The following IGDCC4 variants were observed in gnomAD, a reference collection of about 807,000 sequenced individuals.
The protein encoded by IGDCC4 is likely ortholog of mouse neighbor of Punc E11.
IGDCC4 carries 72 observed loss-of-function variants against 116.6 expected under a neutral mutation model. The observed-to-expected ratio is 0.62, with a 90% confidence interval of 0.51 to 0.75. The LOEUF is 0.75. Ranked by LOEUF, IGDCC4 falls within the 30% of genes least tolerant of loss-of-function variation. The probability of loss-of-function intolerance (pLI) is 0.00; values close to 1 mark genes in which losing one functional copy is unlikely to be tolerated. For synonymous variants in IGDCC4, 709 were observed against 719.9 expected, an observed-to-expected ratio of 0.98 and a Z score of 0.24; for missense variants, 1,501 against 1,662.4, an observed-to-expected ratio of 0.90 and a Z score of 1.69.
intron 1 of IGDCC4, among the ~76,000 whole-genome samples, chr15:65,418,721 C>G (rs1055793506): frequency 6.6e-6 from 1 of 152,160 alleles, no homozygotes; most frequent in Non-Finnish European, 1.5e-5. Flanking sequence ...CATGCTTACT[C>G]CTCCCCCTGC....
At chr15:65,394,689 T>C in intron 8 of IGDCC4, 141 bp from the exon 9 acceptor site, 1 of 846,628 alleles carries the variant, frequency 1.2e-6, no homozygotes, top group South Asian at 1.8e-5. Flanking sequence ...AGGGAGCTTC[T>C]CAGGGGAGCC....
At position 65,382,102 on chromosome 15, in the gene IGDCC4, A is replaced by G. The variant is rs1235699274; in HGVS notation, c.*1907T>C. ...AGTTTTTTTTTCTTCTTTAAAAAAA[A>G]AAAATCAAACCAGCAAAATAAAATG... is the stretch of plus-strand genomic sequence containing the variant. On this transcript the variant is annotated 3_prime_UTR_variant, in exon 20 of 20. Transcript: ENST00000352385. 2 of 152,520 alleles carry G rather than the reference A, an allele frequency of 1.3e-5. No individual in the cohort carries two copies. Among genetic ancestry groups the G allele is most frequent in the Admixed American group, 6.5e-5 (1 of 15,270 alleles). The allele number at this position is 152,520 out of a possible 1,614,324, so 9.4% of individuals were successfully genotyped here. A position where few individuals can be genotyped will look rare whatever the true frequency, so the allele number is the denominator to read the frequency against.
intron 3 of IGDCC4, among the ~76,000 whole-genome samples, chr15:65,405,131 G>GC (rs1567089620): frequency 2.5e-5 from 2 of 81,260 alleles, no homozygotes; most frequent in Non-Finnish European, 4.8e-5. Context: ...TTAGTTAGTG[G>GC]GGGGGGGGGA....
chr15:65,398,548 A>G (rs1441948692), intron 5 of IGDCC4, among the ~76,000 whole-genome samples: 2 of 150,554 alleles, frequency 1.3e-5, no homozygotes, highest in African/African-American at 2.4e-5. Context: ...AAAAAAAAAA[A>G]AAAAAAAAGA....
rs2063076683 is a variant in IGDCC4, at chr15:65,410,189, A to T, written c.552T>A (p.Pro184=). The change falls in exon 3 of 20, where the codon CCT becomes CCA. Residue 184 remains proline, a synonymous_variant. Coordinates refer to ENST00000352385, the MANE Select transcript of IGDCC4 (RefSeq NM_020962.3). The part of the protein sequence containing the change: ...ITWEKDQVTL[P]EEPRLIVLPN... The stretch of plus-strand genomic sequence containing the variant: ...TACAGGGCACTCACCGAGGCTCCTC[A>T]GGCAATGTCACCTGGTCCTTCTCCC... The T allele has an allele frequency of 6.2e-7, 1 of 1,613,020 alleles. No homozygotes were observed. Among genetic ancestry groups the T allele is most frequent in the African/African-American group, 1.3e-5 (1 of 74,884 alleles).
Position 65,393,082 on chromosome 15 carries a change from A to G in IGDCC4, c.1885+279T>C, listed in dbSNP as rs953907905. On this transcript the variant is annotated intron_variant, in intron 10 of 19. Transcript: ENST00000352385. The surrounding 1 kb of genome is among the most constrained non-coding windows in gnomAD (Gnocchi z 4.6). ...ACAATTCAATGAGTTTTTATGTACT[A>G]AGCACTTTAGTTACAATACATTATT... 2.0e-5 allele frequency among the ~76,000 whole-genome samples: 3 copies of G among 152,166 alleles called. No individual in the cohort carries two copies. The highest frequency in any genetic ancestry group is 1.3e-4 in the Admixed American group (2 of 15,276).
intron 5 of IGDCC4, among the ~76,000 whole-genome samples, chr15:65,397,632 C>T (rs2062940566): frequency 6.7e-6 from 1 of 149,770 alleles, no homozygotes; most frequent in Non-Finnish European, 1.5e-5. Flanking sequence ...GAGTTCAAGA[C>T]CAGCCTGGGC....
intron 1 of IGDCC4, among the ~76,000 whole-genome samples, chr15:65,416,359 A>T (rs954016820): frequency 1.3e-5 from 2 of 151,892 alleles, no homozygotes; most frequent in Non-Finnish European, 2.9e-5. Context: ...GGATGGTCTC[A>T]ATCTCCTGAC....
At chr15:65,416,136 CTTTTTTT>C (rs60072640) in intron 1 of IGDCC4, among the ~76,000 whole-genome samples, 2 of 77,608 alleles carry the variant, frequency 2.6e-5, no homozygotes, top group African/African-American at 5.3e-5. Context: ...AATGTTTTGA[CTTTTTTT>C]TTTTTTTTTT....
At chr15:65,394,359 C>T in intron 9 of IGDCC4, 52 bp downstream of exon 9, 1 of 1,608,228 alleles carries the variant, frequency 6.2e-7, no homozygotes, top group Non-Finnish European at 8.5e-7. Flanking sequence ...CCTGACAGCT[C>T]TTCACGTTGA....
In IGDCC4 at chr15:65,388,745, A is replaced by G; in HGVS notation, c.2707+63T>C. On this transcript the variant is annotated intron_variant, in intron 15 of 19. Transcript: ENST00000352385. ...TGGAACAAACCCCAGCACTGTTCTC[A>G]CTGCTGGAAGCGGGAGAGGCTGGGA... 6 of 1,607,900 alleles carry G rather than the reference A, an allele frequency of 3.7e-6. No individual in the cohort carries two copies. In the South Asian group the frequency reaches 6.6e-5, roughly 18 times the overall value.
At chr15:65,388,658 G>C (rs941708635) in intron 15 of IGDCC4, 72 bp from the exon 16 acceptor site, 1 of 1,604,572 alleles carries the variant, frequency 6.2e-7, no homozygotes, top group Non-Finnish European at 8.5e-7. Flanking sequence ...GGCAGGGAGG[G>C]GACTGGGAGA....
At chr15:65,391,078 C>T (rs1358110802) in intron 12 of IGDCC4, among the ~76,000 whole-genome samples, 1 of 152,076 alleles carries the variant, frequency 6.6e-6, no homozygotes, top group African/African-American at 2.4e-5. Flanking sequence ...ACTAAAAATA[C>T]AAAAATTAGC....
At position 65,384,019 on chromosome 15, in the gene IGDCC4, G is replaced by T; in HGVS notation, c.3743C>A (p.Ser1248Tyr). The change falls in exon 20 of 20, where the codon TCC becomes TAC. Residue 1248 changes from serine (S) to tyrosine (Y), a missense_variant. Around this residue, in one of 3 missense-constraint regions of IGDCC4, gnomAD observed 368 missense variants for 355.6 expected, o/e 1.03. Transcript: ENST00000352385. This position sits in a 1 kb window ranked among gnomAD's most constrained non-coding sequence, Gnocchi z 4.9. ...SPGLPRSPVS[S>Y]SA is the part of the protein sequence containing the mutation. Reference sequence around the variant, plus strand: ...ATCCTCTGGGAAGAGCTAGGCAGAGGAGGAGACCGGGGATCTGGGCAGGCC... The same window carrying T: ...ATCCTCTGGGAAGAGCTAGGCAGAGTAGGAGACCGGGGATCTGGGCAGGCC... 3.1e-6 allele frequency: 5 copies of T among 1,590,866 alleles called. No individual in the cohort carries two copies. The highest frequency in any genetic ancestry group is 3.4e-6 in the Non-Finnish European group (4 of 1,163,758).
At chr15:65,420,071 C>T (rs1323259643) in intron 1 of IGDCC4, among the ~76,000 whole-genome samples, 3 of 151,982 alleles carry the variant, frequency 2.0e-5, no homozygotes, top group Non-Finnish European at 4.4e-5. Flanking sequence ...CTCAGACTCC[C>T]GAGTAGCTGG....
At chr15:65,394,307 C>A (rs1161014268) in intron 9 of IGDCC4, 104 bp downstream of exon 9, 6 of 1,551,428 alleles carry the variant, frequency 3.9e-6, no homozygotes, top group Non-Finnish European at 5.2e-6. Flanking sequence ...TACTCTGCTT[C>A]CTTTCCTCCG....
chr15:65,390,247 C>T lies in IGDCC4; in HGVS notation c.2316G>A (p.Lys772=). The change falls in exon 13 of 20, where the codon AAG becomes AAA. Residue 772 remains lysine (K), a synonymous_variant. Transcript: ENST00000352385. ...SSTSIWLRWK[K]PDFTTVKIVN... Reference sequence around the variant, plus strand: ...CAATCTTGACTGTGGTGAAATCTGGCTTTTTCCACCGAAGCCAGATGGATG... The same window carrying T: ...CAATCTTGACTGTGGTGAAATCTGGTTTTTTCCACCGAAGCCAGATGGATG... The T allele has an allele frequency of 6.2e-7, 1 of 1,613,488 alleles. No homozygotes were observed. The highest frequency in any genetic ancestry group is 1.7e-5 in the Admixed American group (1 of 60,020).
At position 65,383,947 on chromosome 15, in the gene IGDCC4, A is replaced by G. The variant is rs1351598669; in HGVS notation, c.*62T>C. On this transcript the variant is annotated 3_prime_UTR_variant, in exon 20 of 20. Transcript: ENST00000352385. Reference sequence around the variant, plus strand: ...GGCACACATGTGGACATACACGGCCACAGGTATCGCATCCTATGTGATCCA... The same window carrying G: ...GGCACACATGTGGACATACACGGCCGCAGGTATCGCATCCTATGTGATCCA... 1.2e-5 allele frequency: 17 copies of G among 1,429,424 alleles called. No individual in the cohort carries two copies. In the East Asian group the frequency reaches 3.8e-4, roughly 32 times the overall value. The allele number at this position is 1,429,424 out of a possible 1,614,324, so 88.5% of individuals were successfully genotyped here. A position where few individuals can be genotyped will look rare whatever the true frequency, so the allele number is the denominator to read the frequency against.
rs1327946456 is a variant in IGDCC4 at position 65,384,328 on chromosome 15, T to C, written c.3434A>G (p.Asn1145Ser). 3 of 1,603,252 alleles carry C rather than the reference T, an allele frequency of 1.9e-6. No homozygotes were observed. In the East Asian group the frequency reaches 6.7e-5, roughly 36 times the overall value. Residue 1145 changes from asparagine to serine, a missense_variant, in exon 20 of 20, where the codon AAC becomes AGC. Physicochemically the swap from Asn to Ser is conservative, Grantham distance 46. Transcript: ENST00000352385. The surrounding 1 kb of genome is among the most constrained non-coding windows in gnomAD (Gnocchi z 4.9). ...CAGGTCTTGGAGATGGAGGTCAGGGTTCCCGTTAGATGCACTAAAGTCAGA... is the reference window on the plus strand; with the variant it reads ...CAGGTCTTGGAGATGGAGGTCAGGGCTCCCGTTAGATGCACTAAAGTCAGA... ...VHSDFSASNGNPDLHLQDLEP... is the reference protein window; with the variant it reads ...VHSDFSASNGSPDLHLQDLEP...
Sources: allele counts gnomAD v4.1 joint callset (sites outside exome capture counted in the v4.1 genomes callset), GRCh38; gene constraint gnomAD v4.1.1; regional missense constraint gnomAD v4.1.1; non-coding constraint Gnocchi (gnomAD v3.1); transcripts MANE v1.5; gene names NCBI Gene and HGNC (gene_info 2026-07-23, HGNC 2026-07-21).